The following DIPK1A variants were observed in gnomAD, a reference collection of about 807,000 sequenced individuals.
DIPK1A encodes the protein family with sequence similarity 69 member A.
Under a neutral mutation model 40.8 loss-of-function variants are expected in DIPK1A, and 27 were observed. The ratio of observed to expected loss-of-function variants is 0.66; its 90% CI spans 0.49 to 0.91. The LOEUF (loss-of-function observed/expected upper bound fraction) is 0.91, where lower values mean the gene tolerates loss of function less well. DIPK1A is among the 40% of genes least tolerant of loss of function. DIPK1A has a pLI of 0.00. For synonymous variants in DIPK1A, 166 were observed against 171.3 expected (o/e 0.97, Z 0.24); for missense variants, 412 against 505.7 (o/e 0.81, Z 1.78).
At chr1:92,901,935 A>G (rs1416839619) in intron 1 of DIPK1A, among the ~76,000 whole-genome samples, 1 of 152,148 alleles carries the variant, frequency 6.6e-6, no homozygotes, top group Non-Finnish European at 1.5e-5. Context: ...CCTAGGACAC[A>G]GGATATTACA....
At chr1:92,861,320 TC>T (rs1439293050) in intron 2 of DIPK1A, among the ~76,000 whole-genome samples, 126 of 113,608 alleles carry the variant, frequency 1.1e-3, no homozygotes, top group South Asian at 6.4e-3. Context: ...TCTCTCTCTC[TC>T]TTTTTTTTTT....
chr1:92,896,059 C>T (rs1327664841), intron 1 of DIPK1A, among the ~76,000 whole-genome samples: 16 of 152,238 alleles, frequency 1.1e-4, no homozygotes, highest in East Asian at 9.6e-4. Context: ...GAATCAATAT[C>T]GTAAAAATGG....
At chr1:92,841,701 T>TTAA, downstream of DIPK1A, 1 of 1,021,656 alleles carries the variant, frequency 9.8e-7, no homozygotes, top group Middle Eastern at 3.3e-4. Context: ...TTATTAAAAT[T>TTAA]TTAAATTAAA....
chr1:92,832,986 G>T (rs1169376386), exon 5 of DIPK1A: 1 of 732,862 alleles, frequency 1.4e-6, no homozygotes, highest in Non-Finnish European at 2.5e-6. Flanking sequence ...ACTGATTGCT[G>T]TCTGGAGCAG....
chr1:92,959,903 C>CTTTTTTTTTTTTTTTTTTTTTTTTT lies in DIPK1A; in HGVS notation c.54+1472_54+1473insAAAAAAAAAAAAAAAAAAAAAAAAA, dbSNP rs1157142089. Among the ~76,000 whole-genome samples the CTTTTTTTTTTTTTTTTTTTTTTTTT allele has an allele frequency of 4.8e-4, 23 of 47,872 alleles. 2 individuals carry two copies. Among genetic ancestry groups the CTTTTTTTTTTTTTTTTTTTTTTTTT allele is most frequent in the African/African-American group, 9.9e-4 (9 of 9,076 alleles). 31.4% of individuals were successfully genotyped at this position (47,872 alleles called of 152,430 possible). ...GCTGGGACCACAGGCACCCAACCAA[C>CTTTTTTTTTTTTTTTTTTTTTTTTT]TTTTTTTTTTTTTTTTTTTTTTTTG... On this transcript the variant is annotated intron_variant, in intron 1 of 4. Transcript: ENST00000370310.
chr1:92,866,444 C>T (rs1467383498), intron 2 of DIPK1A, among the ~76,000 whole-genome samples: 3 of 152,148 alleles, frequency 2.0e-5, no homozygotes, highest in Non-Finnish European at 2.9e-5. Flanking sequence ...TGAAGCCTTT[C>T]CCCACTATTC....
chr1:92,939,930 C>T lies in DIPK1A; in HGVS notation c.54+21446G>A, dbSNP rs749007185. ...TCACGCCACTGCACTCCAGCCTAGG[C>T]GACAGAGTGAGACCCTGTCTCAAAA... On this transcript the variant is annotated intron_variant, in intron 1 of 4. Coordinates refer to ENST00000370310, the MANE Select transcript of DIPK1A (RefSeq NM_001006605.5). Among the ~76,000 whole-genome samples the T allele has an allele frequency of 2.8e-5, 4 of 144,806 alleles. No individual in the cohort carries two copies. The Admixed American group carries it at 2.9e-4, about 10-fold the overall frequency. 95.0% of individuals were successfully genotyped at this position (144,806 alleles called of 152,430 possible).
chr1:92,851,092 G>T, intron 2 of DIPK1A, 137 bp from the exon 3 acceptor site: 1 of 617,178 alleles, frequency 1.6e-6, no homozygotes, highest in Non-Finnish European at 2.9e-6. Context: ...ACCTGGATTT[G>T]ATCTAAGCTC....
intron 1 of DIPK1A, among the ~76,000 whole-genome samples, chr1:92,937,928 C>G (rs1450821086): frequency 6.6e-6 from 1 of 152,128 alleles, no homozygotes; most frequent in Admixed American, 6.6e-5. Context: ...TGGTTTTAAG[C>G]TAACTACAGA....
At chr1:92,840,701 C>T, downstream of DIPK1A, 1 of 1,200,202 alleles carries the variant, frequency 8.3e-7, no homozygotes, top group Non-Finnish European at 1.2e-6. Flanking sequence ...CCACGTGGGG[C>T]AGACTGTTGG....
At chr1:92,836,175 T>A in intron 4 of DIPK1A, 2 of 1,608,978 alleles carry the variant, frequency 1.2e-6, no homozygotes, top group Non-Finnish European at 1.7e-6. Flanking sequence ...GCATTTACAT[T>A]GGTTTCTTGA....
At chr1:92,848,981 T>C (rs1172001788) in intron 3 of DIPK1A, among the ~76,000 whole-genome samples, 1 of 152,220 alleles carries the variant, frequency 6.6e-6, no homozygotes, top group African/African-American at 2.4e-5. Flanking sequence ...GATATTCTAC[T>C]GTTTTATTCT....
At chr1:92,894,715 G>A (rs1175639321) in intron 1 of DIPK1A, among the ~76,000 whole-genome samples, 2 of 152,110 alleles carry the variant, frequency 1.3e-5, no homozygotes, top group Non-Finnish European at 2.9e-5. Context: ...GAATCCAGGA[G>A]CTGGTTTTTT....
At chr1:92,935,945 C>CT (rs1650929360) in intron 1 of DIPK1A, among the ~76,000 whole-genome samples, 1 of 151,926 alleles carries the variant, frequency 6.6e-6, no homozygotes, top group African/African-American at 2.4e-5. Context: ...CAGGCTGGAA[C>CT]ATCTACTCTG....
intron 4 of DIPK1A, chr1:92,833,832 A>C: frequency 1.6e-6 from 1 of 619,750 alleles, no homozygotes; most frequent in Non-Finnish European, 2.8e-6. Context: ...TTGGTACTTT[A>C]AAAAATGCTC....
chr1:92,937,981 T>G (rs1007949965), intron 1 of DIPK1A, among the ~76,000 whole-genome samples: 41 of 152,300 alleles, frequency 2.7e-4, no homozygotes, highest in African/African-American at 9.6e-4. Flanking sequence ...ATTAGGAACC[T>G]AATAATAGTC....
At position 92,912,031 on chromosome 1, in the gene DIPK1A, AG is replaced by A. The variant is rs201944762; in HGVS notation, c.55-35602del. Among the ~76,000 whole-genome samples the A allele has an allele frequency of 2.4e-4, 31 of 130,402 alleles. 2 individuals carry two copies. Among genetic ancestry groups the A allele is most frequent in the African/African-American group, 7.6e-4 (25 of 33,000 alleles). The allele number at this position is 130,402 out of a possible 152,430, so 85.5% of individuals were successfully genotyped here. ...AAAAAAAAAAAAAAAAAAAAAAAAA[AG>A]GGTACGTTTAGTTTTTAAAGAAACT... On this transcript the variant is annotated intron_variant, in intron 1 of 4. Coordinates refer to ENST00000370310, the MANE Select transcript of DIPK1A (RefSeq NM_001006605.5).
intron 2 of DIPK1A, among the ~76,000 whole-genome samples, chr1:92,867,242 G>A (rs924376016): frequency 5.2e-5 from 7 of 135,762 alleles, no homozygotes; most frequent in African/African-American, 1.7e-4. Flanking sequence ...TTTTAGTAGA[G>A]TTGGGGTTTC....
At chr1:92,872,308 C>T (rs1337789588) in intron 2 of DIPK1A, among the ~76,000 whole-genome samples, 1 of 151,916 alleles carries the variant, frequency 6.6e-6, no homozygotes, top group Non-Finnish European at 1.5e-5. Flanking sequence ...TCTCAAACTC[C>T]TGGAGTCAAG....
Sources: allele counts gnomAD v4.1 joint callset (sites outside exome capture counted in the v4.1 genomes callset), GRCh38; gene constraint gnomAD v4.1.1; transcripts MANE v1.5; gene names NCBI Gene and HGNC (gene_info 2026-07-23, HGNC 2026-07-21).